Variants in DLX6 observed in about 807,000 individuals in gnomAD.
The protein encoded by DLX6 is distal-less homeobox 6, also known as homeobox protein DLX-6.
In DLX6, 4 loss-of-function variants were observed where a neutral mutation model predicts 33.5. The observed-to-expected ratio is 0.12, with a 90% CI of 0.06 to 0.27. The LOEUF (loss-of-function observed/expected upper bound fraction) is 0.27. Among genes scored for constraint, DLX6 ranks in the 10% least tolerant of loss-of-function variants. DLX6 has a pLI of 1.00. For missense variants in DLX6, 382 were observed against 393.3 expected (o/e 0.97, Z 0.24); for synonymous variants, 184 against 164.8 (o/e 1.12, Z -0.89).
Position 97,010,782 on chromosome 7 carries a change from AAAAC to A in DLX6, c.*739_*742del, listed in dbSNP as rs1789829769. ...ACCAGGAATGATGGTTGATTAAAAA[AAAAC>A]AAAACAAAAACCACTCTTTCCCCAC... On this transcript the variant is annotated 3_prime_UTR_variant, in exon 3 of 3. Transcript: ENST00000518156. 3 of 152,134 alleles carry A rather than the reference AAAAC, an allele frequency of 2.0e-5. No individual in the cohort carries two copies. Among genetic ancestry groups the A allele is most frequent in the South Asian group, 2.1e-4 (1 of 4,796 alleles). 9.4% of individuals were successfully genotyped at this position (152,134 alleles called of 1,614,324 possible).
In DLX6 at chr7:97,005,893, C is replaced by A; in HGVS notation, c.-85C>A. 1.9e-6 allele frequency: 1 copy of A among 534,536 alleles called. No individual in the cohort carries two copies. The highest frequency in any genetic ancestry group is 2.8e-6 in the Non-Finnish European group (1 of 362,940). The allele number at this position is 534,536 out of a possible 1,614,324, so 33.1% of individuals were successfully genotyped here. A position where few individuals can be genotyped will look rare whatever the true frequency, so the allele number is the denominator to read the frequency against. On this transcript the variant is annotated 5_prime_UTR_variant, in exon 1 of 3. It adds an upstream start codon to the 5' untranslated region. Transcript: ENST00000518156. ...GCAAGGATCCAAAGAGCTAAGGTGG[C>A]TGCAGAGGGGAGAGCGGCGCGAGCC...
In DLX6 at chr7:97,005,972, T is replaced by G; in HGVS notation, c.-6T>G. 6.4e-7 allele frequency: 1 copy of G among 1,572,352 alleles called. No homozygotes were observed. Among genetic ancestry groups the G allele is most frequent in the Non-Finnish European group, 8.6e-7 (1 of 1,159,108 alleles). The stretch of plus-strand genomic sequence containing the variant: ...AGAAGGCTTTCTCCAGCCCCCAAAG[T>G]TTTTGATGATGACCATGACTACGAT... On this transcript the variant is annotated 5_prime_UTR_variant, in exon 1 of 3. Coordinates refer to ENST00000518156, the MANE Select transcript of DLX6 (RefSeq NM_005222.4).
At chr7:97,008,548 C>T (rs1473646564) in intron 2 of DLX6, among the ~76,000 whole-genome samples, 1 of 152,150 alleles carries the variant, frequency 6.6e-6, no homozygotes, top group Non-Finnish European at 1.5e-5. Context: ...TGAAGTTCTC[C>T]CATCCTACTA....
Position 97,006,108 on chromosome 7 carries a change from AGCCGCCGCCGCCGCC to A in DLX6, c.146_160del (p.Pro49_Pro53del), listed in dbSNP as rs559903070. On this transcript the variant is annotated inframe_deletion, in exon 1 of 3. Transcript: ENST00000518156. ...CAGCAGCAGCAGCAGCAACAGCAAC[AGCCGCCGCCGCCGCC>A]GCCGCCGCCGCCGCAGCCGCACTCG... The A allele has an allele frequency of 7.3e-5, 110 of 1,502,088 alleles. No individual in the cohort carries two copies. Among genetic ancestry groups the A allele is most frequent in the African/African-American group, 1.5e-4 (11 of 72,376 alleles). The allele number at this position is 1,502,088 out of a possible 1,614,324, so 93.0% of individuals were successfully genotyped here. A position where few individuals can be genotyped will look rare whatever the true frequency, so the allele number is the denominator to read the frequency against.
Position 97,009,698 on chromosome 7 carries a change from G to GT in DLX6, c.631-91dup, listed in dbSNP as rs1230667717. On this transcript the variant is annotated intron_variant, in intron 2 of 2. Coordinates refer to ENST00000518156, the MANE Select transcript of DLX6 (RefSeq NM_005222.4). ...TGGCGGTGGTTGTTTTTTGTTTTTT[G>GT]TTTTTTTGCTTTTTTAATATTGCTT... The GT allele has an allele frequency of 3.2e-5, 49 of 1,520,416 alleles. No individual in the cohort carries two copies. The South Asian group carries it at 4.8e-4, about 15-fold the overall frequency. The allele number at this position is 1,520,416 out of a possible 1,614,324, so 94.2% of individuals were successfully genotyped here. A position where few individuals can be genotyped will look rare whatever the true frequency, so the allele number is the denominator to read the frequency against.
intron 2 of DLX6, 49 bp from the exon 3 acceptor site, chr7:97,009,747 G>C: frequency 6.3e-7 from 1 of 1,588,826 alleles, no homozygotes; most frequent in Non-Finnish European, 8.6e-7. Flanking sequence ...TGACGTTAGA[G>C]GCACTGGTTT....
In DLX6 at chr7:97,006,379, C is replaced by A; in HGVS notation, c.402C>A (p.Ser134Arg). The A allele has an allele frequency of 6.9e-7, 1 of 1,447,592 alleles. No homozygotes were observed. 89.7% of individuals were successfully genotyped at this position (1,447,592 alleles called of 1,614,324 possible). A position where few individuals can be genotyped will look rare whatever the true frequency, so the allele number is the denominator to read the frequency against. Residue 134 changes from serine to arginine, a missense_variant, in exon 1 of 3, where the codon AGC becomes AGA. Physicochemically the swap from Ser to Arg is moderately radical, Grantham distance 110. Transcript: ENST00000518156. ...CTTACCTCCAGTCCTACCACAACAG[C>A]AGCGCAGCCGCCCAGACGCGAGGGG... ...HSPYLQSYHN[S>R]SAAAQTRGDD... is the part of the protein sequence containing the mutation.
At position 97,010,193 on chromosome 7, in the gene DLX6, C is replaced by CCTCTCTCT. The variant is rs147798666; in HGVS notation, c.*154_*161dup. ...AAGCCGACTAGGCTCATTCTCTCTC[C>CCTCTCTCT]CTCTCTCTCTCTCTCCCTCTCCTTT... On this transcript the variant is annotated 3_prime_UTR_variant, in exon 3 of 3. Coordinates refer to ENST00000518156, the MANE Select transcript of DLX6 (RefSeq NM_005222.4). The CCTCTCTCT allele has an allele frequency of 5.5e-6, 4 of 733,880 alleles. No individual in the cohort carries two copies. The highest frequency in any genetic ancestry group is 5.8e-5 in the East Asian group (2 of 34,600). The allele number at this position is 733,880 out of a possible 1,614,324, so 45.5% of individuals were successfully genotyped here. A position where few individuals can be genotyped will look rare whatever the true frequency, so the allele number is the denominator to read the frequency against.
At chr7:97,008,870 C>T (rs1240632938) in intron 2 of DLX6, among the ~76,000 whole-genome samples, 1 of 152,078 alleles carries the variant, frequency 6.6e-6, no homozygotes, top group Non-Finnish European at 1.5e-5. Context: ...GAAGGGATTC[C>T]GGCTATTCAG....
rs1253491058 is a variant in DLX6, at chr7:97,009,959, G to T, written c.794G>T (p.Ser265Ile). The part of the protein sequence containing the change: ...WDVSASAKGV[S>I]MPPNSYMPGY... ...GTTTCTGCCTCGGCCAAGGGTGTCA[G>T]TATGCCCCCCAACAGCTACATGCCT... is the stretch of plus-strand genomic sequence containing the variant. The change falls in exon 3 of 3, where the codon AGT becomes ATT. Residue 265 changes from serine to isoleucine, a missense_variant. By Grantham distance (142) the Ser-to-Ile change is moderately radical. This residue lies in a region of DLX6 where 96 missense variants were observed against 93.3 expected (regional missense o/e 1.03). Coordinates refer to ENST00000518156, the MANE Select transcript of DLX6 (RefSeq NM_005222.4). The T allele has an allele frequency of 6.2e-7, 1 of 1,613,604 alleles. No homozygotes were observed. Among genetic ancestry groups the T allele is most frequent in the African/African-American group, 1.3e-5 (1 of 74,922 alleles).
In DLX6 at chr7:97,010,301, T is replaced by A; in HGVS notation, c.*254T>A. ...CTTTTCTTTTTGCCTTTCACCTTTT[T>A]TCTCATTTACCTTCTCTCTTGAGCA... is the stretch of plus-strand genomic sequence containing the variant. On this transcript the variant is annotated 3_prime_UTR_variant, in exon 3 of 3. Transcript: ENST00000518156. The A allele has an allele frequency of 2.2e-6, 1 of 460,138 alleles. No individual in the cohort carries two copies. Among genetic ancestry groups the A allele is most frequent in the East Asian group, 3.5e-5 (1 of 28,586 alleles). 28.5% of individuals were successfully genotyped at this position (460,138 alleles called of 1,614,324 possible). A position where few individuals can be genotyped will look rare whatever the true frequency, so the allele number is the denominator to read the frequency against.
In DLX6 at chr7:97,006,108, AGCCGCCGCCGCC is replaced by A. The variant is rs559903070; in HGVS notation, c.149_160del (p.Pro50_Pro53del). 1,699 of 1,502,082 alleles carry A rather than the reference AGCCGCCGCCGCC, an allele frequency of 1.1e-3. 15 individuals carry two copies. The highest frequency in any genetic ancestry group is 9.6e-3 in the South Asian group (785 of 82,126). The allele number at this position is 1,502,082 out of a possible 1,614,324, so 93.0% of individuals were successfully genotyped here. A position where few individuals can be genotyped will look rare whatever the true frequency, so the allele number is the denominator to read the frequency against. ...CAGCAGCAGCAGCAGCAACAGCAAC[AGCCGCCGCCGCC>A]GCCGCCGCCGCCGCCGCAGCCGCAC... On this transcript the variant is annotated inframe_deletion, in exon 1 of 3. Coordinates refer to ENST00000518156, the MANE Select transcript of DLX6 (RefSeq NM_005222.4).
Position 97,006,320 on chromosome 7 carries a change from G to A in DLX6, c.343G>A (p.Ala115Thr). The change falls in exon 1 of 3, where the codon GCC becomes ACC. Residue 115 changes from alanine (A) to threonine (T), a missense_variant. Physicochemically the swap from Ala to Thr is moderately conservative, Grantham distance 58. Transcript: ENST00000518156. Reference protein sequence around the residue: ...GNSYNHRSLAAYPYMSHSQHS... With the variant: ...GNSYNHRSLATYPYMSHSQHS... Reference sequence around the variant, plus strand: ...CTCCTACAACCACCGCTCGCTCGCCGCCTACCCCTACATGAGCCACTCGCA... The same window carrying A: ...CTCCTACAACCACCGCTCGCTCGCCACCTACCCCTACATGAGCCACTCGCA... The A allele has an allele frequency of 1.3e-6, 2 of 1,523,718 alleles. No individual in the cohort carries two copies. Among genetic ancestry groups the A allele is most frequent in the Non-Finnish European group, 8.8e-7 (1 of 1,133,032 alleles). 94.4% of individuals were successfully genotyped at this position (1,523,718 alleles called of 1,614,324 possible). A position where few individuals can be genotyped will look rare whatever the true frequency, so the allele number is the denominator to read the frequency against.
At chr7:97,007,911 G>T (rs1789773271) in intron 2 of DLX6, 80 bp downstream of exon 2, 1 of 1,386,732 alleles carries the variant, frequency 7.2e-7, no homozygotes, top group African/African-American at 1.5e-5. Flanking sequence ...AGGAGGAATT[G>T]TTGGCCTAGT....
At chr7:97,009,773 A>G (rs754487236) in intron 2 of DLX6, 23 bp from the exon 3 acceptor site, 2 of 1,610,158 alleles carry the variant, frequency 1.2e-6, no homozygotes, top group South Asian at 2.2e-5. Context: ...TTATGGGCCT[A>G]ATGATTGCTG....
In DLX6 at chr7:97,010,713, C is replaced by G. The variant is rs180913900; in HGVS notation, c.*666C>G. 1 of 152,328 alleles carries G rather than the reference C, an allele frequency of 6.6e-6. No individual in the cohort carries two copies. Among genetic ancestry groups the G allele is most frequent in the African/African-American group, 2.4e-5 (1 of 41,356 alleles). 9.4% of individuals were successfully genotyped at this position (152,328 alleles called of 1,614,324 possible). A position where few individuals can be genotyped will look rare whatever the true frequency, so the allele number is the denominator to read the frequency against. ...GGAAAAAGTGGCTGTAAGATTAGAA[C>G]ATTGCTACAAAGGGAATGCTGCATG... On this transcript the variant is annotated 3_prime_UTR_variant, in exon 3 of 3. Transcript: ENST00000518156.
At chr7:97,009,651 C>T (rs769381608) in intron 2 of DLX6, 145 bp from the exon 3 acceptor site, 30 of 1,159,928 alleles carry the variant, frequency 2.6e-5, no homozygotes, top group Non-Finnish European at 3.4e-5. Flanking sequence ...TGGAAGGAGG[C>T]GGGGACTTGG....
chr7:97,009,586 A>G (rs1390404146), intron 2 of DLX6, among the ~76,000 whole-genome samples: 1 of 152,206 alleles, frequency 6.6e-6, no homozygotes, highest in Non-Finnish European at 1.5e-5. Context: ...TTAGGTATCC[A>G]GGCAAGATAC....
Position 97,009,649 on chromosome 7 carries a change from G to C in DLX6, c.631-147G>C, listed in dbSNP as rs142068775. 87 of 1,139,524 alleles carry C rather than the reference G, an allele frequency of 7.6e-5. No individual in the cohort carries two copies. In the East Asian group the frequency reaches 2.0e-3, roughly 27 times the overall value. The allele number at this position is 1,139,524 out of a possible 1,614,324, so 70.6% of individuals were successfully genotyped here. On this transcript the variant is annotated intron_variant, in intron 2 of 2. Coordinates refer to ENST00000518156, the MANE Select transcript of DLX6 (RefSeq NM_005222.4). ...AAGAGGCTAGAAAGAGGTGGAAGGA[G>C]GCGGGGACTTGGCTTGTAGGCGTTG...
Sources: allele counts gnomAD v4.1 joint callset (sites outside exome capture counted in the v4.1 genomes callset), GRCh38; gene constraint gnomAD v4.1.1; regional missense constraint gnomAD v4.1.1; transcripts MANE v1.5; gene names NCBI Gene and HGNC (gene_info 2026-07-23, HGNC 2026-07-21).